Variants in PCNX2 observed in about 807,000 individuals in gnomAD.
The protein encoded by PCNX2 is pecanex 2, also known as pecanex-like protein 2.
Under a neutral mutation model 223.8 loss-of-function variants are expected in PCNX2, and 168 were observed. The observed-to-expected ratio is 0.75, with a 90% CI of 0.66 to 0.85. The LOEUF (loss-of-function observed/expected upper bound fraction) is 0.85. Ranked by LOEUF, PCNX2 falls within the 40% of genes least tolerant of loss-of-function variation. The pLI is 0.00. For synonymous variants in PCNX2, 1,006 were observed against 1,052.6 expected, an observed-to-expected ratio of 0.96 and a Z score of 0.86; for missense variants, 2,507 against 2,675.5, an observed-to-expected ratio of 0.94 and a Z score of 1.39.
chr1:233,289,467 T>G, intron 1 of PCNX2: 1 of 1,098,204 alleles, frequency 9.1e-7, no homozygotes, highest in Non-Finnish European at 1.4e-6. Context: ...CTGGGAGAAC[T>G]TGCCGAGCGC....
chr1:233,113,728 C>T (rs1303417076), intron 21 of PCNX2, among the ~76,000 whole-genome samples: 1 of 152,186 alleles, frequency 6.6e-6, no homozygotes, highest in Non-Finnish European at 1.5e-5. Context: ...AATTCTTTCC[C>T]TGAACCATCC....
In PCNX2 at chr1:233,198,934, C is replaced by T. The variant is rs773989874; in HGVS notation, c.3066+5G>A. On this transcript the variant is annotated splice_donor_5th_base_variant and intron_variant, in intron 15 of 33. Coordinates refer to ENST00000258229, the MANE Select transcript of PCNX2 (RefSeq NM_014801.4). ...AGGATGAGGGCCCATGGTCCTCACA[C>T]CTACCTTCACTGCACTGAAGCAGAC... 6 of 1,599,484 alleles carry T rather than the reference C, an allele frequency of 3.8e-6. No individual in the cohort carries two copies. In the South Asian group the frequency reaches 4.5e-5, roughly 12 times the overall value.
intron 5 of PCNX2, among the ~76,000 whole-genome samples, chr1:233,256,433 G>A (rs1166956335): frequency 6.6e-6 from 1 of 152,078 alleles, no homozygotes; most frequent in African/African-American, 2.4e-5. Flanking sequence ...TCTGGCCTTG[G>A]GCTATCTGAT....
At chr1:233,234,110 C>T (rs986135713) in intron 9 of PCNX2, among the ~76,000 whole-genome samples, 4 of 152,150 alleles carry the variant, frequency 2.6e-5, no homozygotes, top group Non-Finnish European at 4.4e-5. Flanking sequence ...TTCTTGTAGG[C>T]AGGGACTGAG....
At position 232,987,734 on chromosome 1, in the gene PCNX2, A is replaced by G. The variant is rs140356639; in HGVS notation, c.5792-1194T>C. Among the ~76,000 whole-genome samples, 379 of 152,250 alleles carry G rather than the reference A, an allele frequency of 2.5e-3. 1 individual carries two copies. Among genetic ancestry groups the G allele is most frequent in the African/African-American group, 8.6e-3 (359 of 41,518 alleles). The stretch of plus-strand genomic sequence containing the variant: ...CAATTCCTTAGGGATACACATTACG[A>G]AGGGGATTCCAGGGTTCCTTCCAGC... On this transcript the variant is annotated intron_variant, in intron 32 of 33. Transcript: ENST00000258229.
chr1:233,243,991 C>G (rs1349689864), intron 8 of PCNX2, among the ~76,000 whole-genome samples: 1 of 152,044 alleles, frequency 6.6e-6, no homozygotes, highest in Non-Finnish European at 1.5e-5. Context: ...GCCACCATGC[C>G]CAGCTAATTT....
At chr1:233,244,941 G>T (rs1198835404) in intron 8 of PCNX2, among the ~76,000 whole-genome samples, 2 of 152,208 alleles carry the variant, frequency 1.3e-5, no homozygotes, top group Non-Finnish European at 2.9e-5. Context: ...AAAGATGAGG[G>T]ATTTATTTGT....
rs150625296 is a variant in PCNX2 at position 233,151,031 on chromosome 1, C to T, written c.3517+9252G>A. On this transcript the variant is annotated intron_variant, in intron 19 of 33. Coordinates refer to ENST00000258229, the MANE Select transcript of PCNX2 (RefSeq NM_014801.4). The stretch of plus-strand genomic sequence containing the variant: ...TGGCCACAGGGTAGACAGAGCTTCT[C>T]GTTAGAATAACCATCTTGCCAAGAG... 4.3e-5 allele frequency among the ~76,000 whole-genome samples: 6 copies of T among 140,010 alleles called. No homozygotes were observed. In the East Asian group the frequency reaches 8.2e-4, roughly 19 times the overall value. 91.9% of individuals were successfully genotyped at this position (140,010 alleles called of 152,430 possible).
intron 17 of PCNX2, among the ~76,000 whole-genome samples, chr1:233,173,703 C>G (rs546781490): frequency 1.2e-3 from 186 of 152,264 alleles, no homozygotes; most frequent in African/African-American, 4.2e-3. Context: ...TGTCTATCTC[C>G]ACTTATTCAG....
Position 233,137,748 on chromosome 1 carries a change from T to C in PCNX2, c.3659+1966A>G, listed in dbSNP as rs191938024. 3.2e-3 allele frequency among the ~76,000 whole-genome samples: 483 copies of C among 152,314 alleles called. 1 individual carries two copies. The highest frequency in any genetic ancestry group is 0.014 in the Middle Eastern group (4 of 294). The stretch of plus-strand genomic sequence containing the variant: ...TTGGTGAACAATGCCCTGGAACAGA[T>C]GGAGAGCATCCTCTTAGATCAGGCT... On this transcript the variant is annotated intron_variant, in intron 20 of 33. Coordinates refer to ENST00000258229, the MANE Select transcript of PCNX2 (RefSeq NM_014801.4).
intron 25 of PCNX2, among the ~76,000 whole-genome samples, chr1:233,043,206 G>A (rs1184740264): frequency 1.3e-5 from 2 of 152,168 alleles, no homozygotes; most frequent in East Asian, 3.9e-4. Flanking sequence ...TAACCCATCA[G>A]CCTAGGTCAC....
chr1:233,056,118 TC>T (rs1247089122), intron 24 of PCNX2, among the ~76,000 whole-genome samples: 1 of 152,190 alleles, frequency 6.6e-6, no homozygotes, highest in East Asian at 1.9e-4. Flanking sequence ...GTATGCTTAA[TC>T]TTCTATGCAG....
Position 233,295,413 on chromosome 1 carries a change from G to A in PCNX2, c.66C>T (p.Tyr22=). Residue 22 remains tyrosine (Y), a synonymous_variant, in exon 1 of 34, where the codon TAC becomes TAT. Transcript: ENST00000258229. The surrounding 1 kb of genome is among the most constrained non-coding windows in gnomAD (Gnocchi z 4.1). Reference sequence around the variant, plus strand: ...TGAACTTGCTCTGCTCCGGGTCGTGGTACCAGCCCCCGGTGAGCGCGGCCC... The same window carrying A: ...TGAACTTGCTCTGCTCCGGGTCGTGATACCAGCCCCCGGTGAGCGCGGCCC... ...GVWAALTGGW[Y]HDPEQSKFTN... The A allele has an allele frequency of 6.4e-7, 1 of 1,552,962 alleles. No individual in the cohort carries two copies. Among genetic ancestry groups the A allele is most frequent in the South Asian group, 1.2e-5 (1 of 84,132 alleles).
Position 233,138,326 on chromosome 1 carries a change from G to A in PCNX2, c.3659+1388C>T, listed in dbSNP as rs568907621. On this transcript the variant is annotated intron_variant, in intron 20 of 33. Coordinates refer to ENST00000258229, the MANE Select transcript of PCNX2 (RefSeq NM_014801.4). Reference sequence around the variant, plus strand: ...TGACTCTGCTAGAGTCTTAGCCCTTGCATCTGCCTTCTCTAACAACTTGGC... The same window carrying A: ...TGACTCTGCTAGAGTCTTAGCCCTTACATCTGCCTTCTCTAACAACTTGGC... Among the ~76,000 whole-genome samples, 22 of 152,304 alleles carry A rather than the reference G, an allele frequency of 1.4e-4. No homozygotes were observed. The South Asian group carries it at 4.6e-3, about 32-fold the overall frequency.
At chr1:233,113,855 T>A (rs1043802568) in intron 21 of PCNX2, among the ~76,000 whole-genome samples, 2 of 152,232 alleles carry the variant, frequency 1.3e-5, no homozygotes, top group African/African-American at 4.8e-5. Flanking sequence ...CTGTGCAGAC[T>A]CGAATAGCAC....
At chr1:233,199,451 ATGTGTGTG>A (rs138018059) in intron 14 of PCNX2, among the ~76,000 whole-genome samples, 2 of 150,060 alleles carry the variant, frequency 1.3e-5, no homozygotes, top group African/African-American at 4.9e-5. Flanking sequence ...TATGTAGTGT[ATGTGTGTG>A]TGTGTGTGTA....
In PCNX2 at chr1:233,253,110, A is replaced by G. The variant is rs1659553314; in HGVS notation, c.1835-322T>C. On this transcript the variant is annotated intron_variant, in intron 5 of 33. Transcript: ENST00000258229. The surrounding 1 kb of genome is among the most constrained non-coding windows in gnomAD (Gnocchi z 4.2). The stretch of plus-strand genomic sequence containing the variant: ...CAGCTGGAAATCACCCATTTAGGTT[A>G]CATAGGTCTGAAAGGTTCATATCTC... Among the ~76,000 whole-genome samples the G allele has an allele frequency of 6.6e-6, 1 of 152,222 alleles. No homozygotes were observed. Among genetic ancestry groups the G allele is most frequent in the African/African-American group, 2.4e-5 (1 of 41,456 alleles).
intron 21 of PCNX2, among the ~76,000 whole-genome samples, chr1:233,117,366 T>C (rs371830147): frequency 6.6e-6 from 1 of 151,348 alleles, no homozygotes; most frequent in East Asian, 2.0e-4. Flanking sequence ...GCGCGGTTGC[T>C]CACGCCTGTA....
At chr1:233,106,552 C>A (rs751930400) in intron 21 of PCNX2, among the ~76,000 whole-genome samples, 1 of 151,842 alleles carries the variant, frequency 6.6e-6, no homozygotes, top group East Asian at 1.9e-4. Flanking sequence ...CGGGGTTTCA[C>A]CGTGTTAGTC....
Sources: allele counts gnomAD v4.1 joint callset (sites outside exome capture counted in the v4.1 genomes callset), GRCh38; gene constraint gnomAD v4.1.1; non-coding constraint Gnocchi (gnomAD v3.1); transcripts MANE v1.5; gene names NCBI Gene and HGNC (gene_info 2026-07-23, HGNC 2026-07-21).